The following AKAP9 variants were observed in gnomAD, a reference collection of about 807,000 sequenced individuals.
AKAP9 encodes the protein A-kinase anchor protein 9.
AKAP9 carries 311 observed loss-of-function variants against 488.5 expected under a neutral mutation model. The observed-to-expected ratio is 0.64, with a 90% CI of 0.58 to 0.70. The LOEUF is 0.70. Ranked by LOEUF, AKAP9 falls within the 30% of genes least tolerant of loss-of-function variation. The pLI, the probability that AKAP9 is intolerant of heterozygous loss-of-function variation, is 0.00. For missense variants in AKAP9, 4,215 were observed against 4,374.5 expected (o/e 0.96, Z 1.03); for synonymous variants, 1,462 against 1,483.5 (o/e 0.99, Z 0.33).
At chr7:92,092,564 C>T (rs1328724739) in intron 38 of AKAP9, 1 of 151,896 alleles carries the variant, frequency 6.6e-6, no homozygotes, top group Non-Finnish European at 1.5e-5. Context: ...AAACTTTTAT[C>T]CTTATATATT....
rs1813080849 is a variant in AKAP9 at position 92,079,060 on chromosome 7, CT to C, written c.6946-14del. The C allele has an allele frequency of 3.3e-6, 5 of 1,524,776 alleles. No individual in the cohort carries two copies. In the South Asian group the frequency reaches 6.1e-5, roughly 18 times the overall value. 94.5% of individuals were successfully genotyped at this position (1,524,776 alleles called of 1,614,324 possible). A position where few individuals can be genotyped will look rare whatever the true frequency, so the allele number is the denominator to read the frequency against. ...AATACATATATATTATGTATGTTACCTTTTTCATTAATTATTAGGTTATTGA... is the reference window on the plus strand; with the variant it reads ...AATACATATATATTATGTATGTTACCTTTTCATTAATTATTAGGTTATTGA... On this transcript the variant is annotated intron_variant, in intron 30 of 49. Coordinates refer to ENST00000356239, the MANE Select transcript of AKAP9 (RefSeq NM_005751.5).
At chr7:92,093,455 T>C (rs1584524016) in intron 39 of AKAP9, 139 bp downstream of exon 39, 2 of 749,062 alleles carry the variant, frequency 2.7e-6, no homozygotes, top group East Asian at 2.7e-5. Flanking sequence ...AAAACTATAA[T>C]AGAAAAAACT....
rs1815842357 is a variant in AKAP9, at chr7:92,092,753, C to T, written c.9359-344C>T. 14 of 236,374 alleles carry T rather than the reference C, an allele frequency of 5.9e-5. No individual in the cohort carries two copies. In the South Asian group the frequency reaches 7.9e-4, roughly 13 times the overall value. 14.6% of individuals were successfully genotyped at this position (236,374 alleles called of 1,614,324 possible). The stretch of plus-strand genomic sequence containing the variant: ...CCTCCACCTCCCGGGCTCAAGCAAT[C>T]CCCCCACCTCAGCCTCCTGAGTCGA... On this transcript the variant is annotated intron_variant, in intron 38 of 49. Coordinates refer to ENST00000356239, the MANE Select transcript of AKAP9 (RefSeq NM_005751.5).
rs376961682 is a variant in AKAP9 at position 92,097,066 on chromosome 7, T to C, written c.10107T>C (p.Tyr3369=). ...IVELLNETEK[Y]KLDSLQTRQQ... ...AATTGTTAAATGAGACTGAAAAATA[T>C]AAACTGGATTCTTTGCAAACACGAC... Residue 3369 remains tyrosine (Y), a synonymous_variant, in exon 41 of 50, where the codon TAT becomes TAC. Coordinates refer to ENST00000356239, the MANE Select transcript of AKAP9 (RefSeq NM_005751.5). 5.5e-5 allele frequency: 89 copies of C among 1,613,984 alleles called. No homozygotes were observed. Among genetic ancestry groups the C allele is most frequent in the Non-Finnish European group, 7.5e-5 (88 of 1,180,028 alleles).
intron 22 of AKAP9, among the ~76,000 whole-genome samples, chr7:92,056,390 C>T (rs942328705): frequency 5.3e-5 from 8 of 151,424 alleles, no homozygotes; most frequent in Non-Finnish European, 1.0e-4. Flanking sequence ...CCCCACAGTT[C>T]ATAAAGCTGA....
intron 31 of AKAP9, 45 bp from the exon 32 acceptor site, chr7:92,082,476 TA>T (rs780082074): frequency 8.7e-5 from 138 of 1,587,540 alleles, no homozygotes; most frequent in Non-Finnish European, 1.1e-4. Context: ...AATTTAGCTA[TA>T]TTTTTTTTAA....
intron 1 of AKAP9, among the ~76,000 whole-genome samples, chr7:91,966,473 T>C (rs1794456227): frequency 6.6e-6 from 1 of 152,264 alleles, no homozygotes; most frequent in African/African-American, 2.4e-5. Context: ...ATATATGGTC[T>C]ATTCTGGAGA....
chr7:92,038,100 T>A (rs529513731), intron 16 of AKAP9, among the ~76,000 whole-genome samples: 51 of 152,260 alleles, frequency 3.3e-4, no homozygotes, highest in African/African-American at 1.1e-3. Flanking sequence ...CACTAAAATG[T>A]TTACATTGAT....
rs775921193 is a variant in AKAP9 at position 92,086,368 on chromosome 7, A to G, written c.9165A>G (p.Thr3055=). ...FRTELTALGT[T]DAVGLLNCLE... ...CGGAGCTGACAGCTCTAGGTACTAC[A>G]GATGCAGTTGGTTTACTAAACTGTT... is the stretch of plus-strand genomic sequence containing the variant. The change falls in exon 37 of 50, where the codon ACA becomes ACG. Residue 3055 remains threonine (T), a synonymous_variant. Coordinates refer to ENST00000356239, the MANE Select transcript of AKAP9 (RefSeq NM_005751.5). 1.2e-6 allele frequency: 2 copies of G among 1,614,000 alleles called. No homozygotes were observed. Among genetic ancestry groups the G allele is most frequent in the Admixed American group, 1.7e-5 (1 of 59,996 alleles).
rs557500534 is a variant in AKAP9, at chr7:92,039,723, C to G, written c.4692+951C>G. On this transcript the variant is annotated intron_variant, in intron 17 of 49. Transcript: ENST00000356239. ...AGTGTGGTGGCTCATGCCTGTAATC[C>G]CAGCACTTTGGGAGGCCGAGGCAGG... 3.3e-5 allele frequency among the ~76,000 whole-genome samples: 5 copies of G among 152,168 alleles called. No homozygotes were observed. In the South Asian group the frequency reaches 8.3e-4, roughly 25 times the overall value.
Position 92,098,244 on chromosome 7 carries a change from C to T in AKAP9, c.10713+30C>T, listed in dbSNP as rs534915901. On this transcript the variant is annotated intron_variant, in intron 43 of 49. Coordinates refer to ENST00000356239, the MANE Select transcript of AKAP9 (RefSeq NM_005751.5). Reference sequence around the variant, plus strand: ...TACTTTTTAAAAGTTATTTCTGAAGCATTGAGAGCAAAGATTTAATAGAAA... The same window carrying T: ...TACTTTTTAAAAGTTATTTCTGAAGTATTGAGAGCAAAGATTTAATAGAAA... 3.0e-6 allele frequency: 4 copies of T among 1,327,882 alleles called. No individual in the cohort carries two copies. In the South Asian group the frequency reaches 4.8e-5, roughly 16 times the overall value. The allele number at this position is 1,327,882 out of a possible 1,614,324, so 82.3% of individuals were successfully genotyped here.
chr7:91,998,455 T>A (rs1050878234), intron 7 of AKAP9, among the ~76,000 whole-genome samples: 3 of 124,378 alleles, frequency 2.4e-5, no homozygotes, highest in Admixed American at 8.5e-5. Context: ...TTTTTTTTTT[T>A]AGAATTCAGA....
At chr7:92,054,603 A>G (rs1342540877) in intron 22 of AKAP9, among the ~76,000 whole-genome samples, 2 of 152,070 alleles carry the variant, frequency 1.3e-5, no homozygotes, top group Non-Finnish European at 2.9e-5. Context: ...GCACTGGACA[A>G]GTATCTGCCT....
At chr7:92,060,724 G>C (rs755180164) in intron 22 of AKAP9, among the ~76,000 whole-genome samples, 1 of 152,072 alleles carries the variant, frequency 6.6e-6, no homozygotes, top group Non-Finnish European at 1.5e-5. Flanking sequence ...AAAGCTTTTA[G>C]TTAAGTACAT....
At chr7:92,058,687 A>G (rs1416272077) in intron 22 of AKAP9, among the ~76,000 whole-genome samples, 1 of 152,014 alleles carries the variant, frequency 6.6e-6, no homozygotes, top group African/African-American at 2.4e-5. Flanking sequence ...TTGTATGTTT[A>G]TCATGCCAAT....
intron 7 of AKAP9, among the ~76,000 whole-genome samples, chr7:92,000,013 T>G (rs1298844123): frequency 6.6e-6 from 1 of 152,248 alleles, no homozygotes; most frequent in Non-Finnish European, 1.5e-5. Flanking sequence ...CCTCTATTAC[T>G]TACAGAGGCA....
At chr7:92,089,362 T>G in intron 37 of AKAP9, 23 bp from the exon 38 acceptor site, 1 of 1,610,928 alleles carries the variant, frequency 6.2e-7, no homozygotes, top group Non-Finnish European at 8.5e-7. Flanking sequence ...TCTTCACTTG[T>G]TTTTTACCTT....
At chr7:92,098,332 T>C (rs1816972408) in intron 43 of AKAP9, 118 bp downstream of exon 43, 2 of 616,422 alleles carry the variant, frequency 3.2e-6, no homozygotes, top group Non-Finnish European at 5.6e-6. Context: ...TTTGTATCTT[T>C]TTATTTATTT....
chr7:92,045,830 C>CTTTTT (rs35346628), intron 21 of AKAP9, among the ~76,000 whole-genome samples: 95 of 108,876 alleles, frequency 8.7e-4, no homozygotes, highest in Non-Finnish European at 1.1e-3. Flanking sequence ...CTTTCCGTTT[C>CTTTTT]TTTTTTTTTT....
Sources: gnomAD v4.1 joint callset for allele counts (sites outside exome capture counted in the v4.1 genomes callset) on GRCh38, gnomAD v4.1.1 for gene constraint, MANE v1.5 for transcripts, NCBI Gene and HGNC (gene_info 2026-07-23, HGNC 2026-07-21) for gene names.